The following KCNMB2 variants were observed in gnomAD, a reference collection of about 807,000 sequenced individuals.
KCNMB2 encodes the protein potassium calcium-activated channel subfamily M regulatory beta subunit 2.
In KCNMB2, 9 loss-of-function variants were observed where a neutral mutation model predicts 24.5. That is an observed-to-expected ratio of 0.37 (90% CI 0.22 to 0.64). The LOEUF (loss-of-function observed/expected upper bound fraction) is 0.64. Ranked by LOEUF, KCNMB2 falls within the 30% of genes least tolerant of loss-of-function variation. The pLI is 0.63. For missense variants in KCNMB2, 226 were observed against 284.3 expected (o/e 0.79, Z 1.47); for synonymous variants, 109 against 104.4 (o/e 1.04, Z -0.27).
At chr3:178,642,788 T>C (rs1437952505) in intron 1 of KCNMB2, among the ~76,000 whole-genome samples, 1 of 152,228 alleles carries the variant, frequency 6.6e-6, no homozygotes, top group Non-Finnish European at 1.5e-5. Flanking sequence ...AATGCAGTTG[T>C]TGTATCATTT....
intron 1 of KCNMB2, among the ~76,000 whole-genome samples, chr3:178,680,815 G>A (rs1002159983): frequency 1.3e-5 from 2 of 152,098 alleles, no homozygotes; most frequent in African/African-American, 4.8e-5. Flanking sequence ...TTTTAGACTT[G>A]GAGTCTAAAG....
At chr3:178,811,234 T>C (rs1714180263) in intron 2 of KCNMB2, among the ~76,000 whole-genome samples, 1 of 152,218 alleles carries the variant, frequency 6.6e-6, no homozygotes, top group South Asian at 2.1e-4. Flanking sequence ...AGTGATATTA[T>C]AAACATCCAG....
rs1394493822 is a variant in KCNMB2 at position 178,611,758 on chromosome 3, T to C, written c.-68+75047T>C. ...AACCCTTTTTATTGCATTGATCTTTTATATTTTCTTCATTTTATTTATTTT... is the reference window on the plus strand; with the variant it reads ...AACCCTTTTTATTGCATTGATCTTTCATATTTTCTTCATTTTATTTATTTT... On this transcript the variant is annotated intron_variant, in intron 1 of 4. Transcript: ENST00000452583. Among the ~76,000 whole-genome samples, 3 of 152,092 alleles carry C rather than the reference T, an allele frequency of 2.0e-5. No individual in the cohort carries two copies. The East Asian group carries it at 5.8e-4, about 29-fold the overall frequency.
chr3:178,724,668 G>A lies in KCNMB2; in HGVS notation c.-67-82675G>A, dbSNP rs770296520. On this transcript the variant is annotated intron_variant, in intron 1 of 4. Transcript: ENST00000452583. The stretch of plus-strand genomic sequence containing the variant: ...CCCATAAATCTTTAATCCATCTTGC[G>A]TTAATTTTTGCATATGGTGAGAGGT... Among the ~76,000 whole-genome samples, 22 of 152,180 alleles carry A rather than the reference G, an allele frequency of 1.4e-4. No homozygotes were observed. In the East Asian group the frequency reaches 1.5e-3, roughly 11 times the overall value.
intron 1 of KCNMB2, among the ~76,000 whole-genome samples, chr3:178,665,838 C>A (rs1417408161): frequency 6.6e-6 from 1 of 152,162 alleles, no homozygotes; most frequent in Non-Finnish European, 1.5e-5. Context: ...AATGGTGATA[C>A]TAAGACCATA....
chr3:178,803,560 T>C (rs1186051475), intron 1 of KCNMB2, among the ~76,000 whole-genome samples: 2 of 152,190 alleles, frequency 1.3e-5, no homozygotes, highest in South Asian at 2.1e-4. Flanking sequence ...AGTGTGTTAC[T>C]ATGTGTCCTG....
At chr3:178,739,288 T>A (rs946700412) in intron 1 of KCNMB2, among the ~76,000 whole-genome samples, 1 of 152,120 alleles carries the variant, frequency 6.6e-6, no homozygotes, top group Admixed American at 6.5e-5. Context: ...CCTCAAGTGA[T>A]AAGTTGAAGG....
chr3:178,742,157 AT>A (rs1348577026), intron 1 of KCNMB2, among the ~76,000 whole-genome samples: 2 of 152,252 alleles, frequency 1.3e-5, no homozygotes, highest in Non-Finnish European at 2.9e-5. Flanking sequence ...CATGTATTTC[AT>A]GGAGTAGAGC....
chr3:178,669,275 T>C (rs1348224653), intron 1 of KCNMB2, among the ~76,000 whole-genome samples: 1 of 152,112 alleles, frequency 6.6e-6, no homozygotes, highest in Non-Finnish European at 1.5e-5. Flanking sequence ...TTTACTGCAT[T>C]CCTAAAATAG....
At chr3:178,679,704 C>G (rs773965885) in intron 1 of KCNMB2, among the ~76,000 whole-genome samples, 1 of 152,076 alleles carries the variant, frequency 6.6e-6, no homozygotes, top group African/African-American at 2.4e-5. Flanking sequence ...AAGTTCATGT[C>G]CACTTGCCCT....
chr3:178,843,796 G>A lies in KCNMB2; in HGVS notation c.*859G>A, dbSNP rs114859393. The A allele has an allele frequency of 6.6e-6, 1 of 152,246 alleles. No individual in the cohort carries two copies. Among genetic ancestry groups the A allele is most frequent in the African/African-American group, 2.4e-5 (1 of 41,564 alleles). 9.4% of individuals were successfully genotyped at this position (152,246 alleles called of 1,614,324 possible). On this transcript the variant is annotated 3_prime_UTR_variant, in exon 5 of 5. Transcript: ENST00000452583. ...AGATGGTAAAATTAAGATGCTACTT[G>A]TTGGTAAAAATTGGTGGACTGGTTT... is the stretch of plus-strand genomic sequence containing the variant.
Position 178,694,296 on chromosome 3 carries a change from G to A in KCNMB2, c.-67-113047G>A, listed in dbSNP as rs752426143. 2.6e-5 allele frequency among the ~76,000 whole-genome samples: 4 copies of A among 152,258 alleles called. No individual in the cohort carries two copies. In the South Asian group the frequency reaches 8.3e-4, roughly 32 times the overall value. ...CCACCTAGTCCCTCCTATAACATGT[G>A]GGGATCATGGGAACCACAATTAAAG... On this transcript the variant is annotated intron_variant, in intron 1 of 4. Coordinates refer to ENST00000452583, the MANE Select transcript of KCNMB2 (RefSeq NM_181361.3).
At chr3:178,819,928 A>G (rs1560034552) in intron 2 of KCNMB2, among the ~76,000 whole-genome samples, 1 of 152,204 alleles carries the variant, frequency 6.6e-6, no homozygotes, top group Non-Finnish European at 1.5e-5. Flanking sequence ...AAATATATTC[A>G]TAAGAATATA....
intron 1 of KCNMB2, among the ~76,000 whole-genome samples, chr3:178,727,351 G>C (rs1439777574): frequency 6.6e-6 from 1 of 151,954 alleles, no homozygotes; most frequent in East Asian, 1.9e-4. Flanking sequence ...GCTTTTATTA[G>C]TGTCCTCTTT....
At chr3:178,614,378 G>C (rs567286231) in intron 1 of KCNMB2, among the ~76,000 whole-genome samples, 2 of 139,584 alleles carry the variant, frequency 1.4e-5, no homozygotes, top group South Asian at 4.6e-4. Flanking sequence ...TGGACTCACA[G>C]TTCCACATGG....
At chr3:178,695,611 C>G (rs1447959820) in intron 1 of KCNMB2, among the ~76,000 whole-genome samples, 1 of 152,208 alleles carries the variant, frequency 6.6e-6, no homozygotes, top group Non-Finnish European at 1.5e-5. Context: ...ATCCACCAGT[C>G]TCTTTGCTAA....
rs1398087915 is a variant in KCNMB2 at position 178,843,028 on chromosome 3, T to A, written c.*91T>A. 2.8e-6 allele frequency: 3 copies of A among 1,074,806 alleles called. No homozygotes were observed. Among genetic ancestry groups the A allele is most frequent in the Non-Finnish European group, 4.0e-6 (3 of 741,672 alleles). The allele number at this position is 1,074,806 out of a possible 1,614,324, so 66.6% of individuals were successfully genotyped here. On this transcript the variant is annotated 3_prime_UTR_variant, in exon 5 of 5. Transcript: ENST00000452583. Reference sequence around the variant, plus strand: ...AGAACCTTAAGTTTGTAACGTGCAGTCTGTTATGAGTTCCCTAATATATTC... The same window carrying A: ...AGAACCTTAAGTTTGTAACGTGCAGACTGTTATGAGTTCCCTAATATATTC...
At chr3:178,739,070 C>A (rs1442615853) in intron 1 of KCNMB2, among the ~76,000 whole-genome samples, 5 of 150,852 alleles carry the variant, frequency 3.3e-5, no homozygotes, top group Admixed American at 2.0e-4. Flanking sequence ...AGGCTAGGGG[C>A]CTCTAGCTTA....
In KCNMB2 at chr3:178,709,531, A is replaced by AT. The variant is rs1222472876; in HGVS notation, c.-67-97806dup. 4.6e-5 allele frequency among the ~76,000 whole-genome samples: 7 copies of AT among 152,282 alleles called. No homozygotes were observed. In the South Asian group the frequency reaches 6.2e-4, roughly 14 times the overall value. ...CAAAAGACGGGTTAACACAATGTGGATTTTTTAAGACTGTTTTATATACAG... is the reference window on the plus strand; with the variant it reads ...CAAAAGACGGGTTAACACAATGTGGATTTTTTTAAGACTGTTTTATATACAG... On this transcript the variant is annotated intron_variant, in intron 1 of 4. Coordinates refer to ENST00000452583, the MANE Select transcript of KCNMB2 (RefSeq NM_181361.3).
Sources: allele counts gnomAD v4.1 joint callset (sites outside exome capture counted in the v4.1 genomes callset), GRCh38; gene constraint gnomAD v4.1.1; transcripts MANE v1.5; gene names NCBI Gene and HGNC (gene_info 2026-07-23, HGNC 2026-07-21).